CD1B: variants seen among roughly 807,000 people sequenced by gnomAD.
CD1B encodes the protein T-cell surface glycoprotein CD1b.
A neutral mutation model predicts 39.8 loss-of-function variants in CD1B; 43 were observed. The ratio of observed to expected loss-of-function variants is 1.08; its 90% CI spans 0.85 to 1.39. The LOEUF (loss-of-function observed/expected upper bound fraction) is 1.39. CD1B is among the 40% of genes most tolerant of loss of function. The pLI is 0.00. For missense variants in CD1B, 495 were observed against 403.8 expected, an observed-to-expected ratio of 1.23 and a Z score of -1.94; for synonymous variants, 192 against 152.5, an observed-to-expected ratio of 1.26 and a Z score of -1.91.
downstream of CD1B, among the ~76,000 whole-genome samples, chr1:158,323,529 C>CT (rs1281794350): frequency 6.6e-6 from 1 of 152,094 alleles, no homozygotes; most frequent in African/African-American, 2.4e-5. Flanking sequence ...TCAAAATTCC[C>CT]TGGTTGTTCT....
At chr1:158,325,098 GGTAATAAGATAGTTACT>G (rs1404244343), downstream of CD1B, among the ~76,000 whole-genome samples, 5 of 151,818 alleles carry the variant, frequency 3.3e-5, no homozygotes, top group African/African-American at 1.2e-4. Flanking sequence ...ATTCCATCAA[GGTAATAAGATAGTTACT>G]GAAGATAATG....
intron 4 of CD1B, 139 bp downstream of exon 4, chr1:158,329,231 G>A (rs1409646004): frequency 8.6e-7 from 1 of 1,163,666 alleles, no homozygotes; most frequent in East Asian, 2.5e-5. Context: ...TTTTACTCCT[G>A]TTGGGATTGG....
At chr1:158,315,453 T>C in the CD1B span, among the ~76,000 whole-genome samples, 64 of 152,182 alleles carry the variant, frequency 4.2e-4, no homozygotes, top group Non-Finnish European at 7.9e-4. Context: ...CATAAAGGTC[T>C]TCTTTTGAGA....
chr1:158,318,803 G>A, the CD1B span, among the ~76,000 whole-genome samples: 23 of 152,160 alleles, frequency 1.5e-4, no homozygotes, highest in South Asian at 6.2e-4. Flanking sequence ...AGCTTGTACC[G>A]GTTGTTCCTT....
the CD1B span, among the ~76,000 whole-genome samples, chr1:158,321,352 C>T: frequency 6.6e-6 from 1 of 152,158 alleles, no homozygotes; most frequent in Non-Finnish European, 1.5e-5. Flanking sequence ...TCTCCATTTG[C>T]ATGGAATATC....
At chr1:158,324,568 T>C (rs2101706054), downstream of CD1B, among the ~76,000 whole-genome samples, 1 of 152,308 alleles carries the variant, frequency 6.6e-6, no homozygotes, top group South Asian at 2.1e-4. Context: ...GAAGTGAGAC[T>C]GATGAGTTAA....
chr1:158,292,338 G>A, the CD1B span: 6 of 1,614,088 alleles, frequency 3.7e-6, no homozygotes, highest in Non-Finnish European at 4.2e-6. Flanking sequence ...TCTCCTGGAT[G>A]CAGGGAAGAT....
the CD1B span, among the ~76,000 whole-genome samples, chr1:158,299,279 G>A: frequency 6.6e-6 from 1 of 152,090 alleles, no homozygotes; most frequent in South Asian, 2.1e-4. Flanking sequence ...TAATGATGTG[G>A]TTTTTTTCTT....
Position 158,328,955 on chromosome 1 carries a change from A to G in CD1B, c.946T>C (p.Leu316=). The G allele has an allele frequency of 6.2e-7, 1 of 1,613,918 alleles. No individual in the cohort carries two copies. The highest frequency in any genetic ancestry group is 8.5e-7 in the Non-Finnish European group (1 of 1,179,918). The change falls in exon 5 of 6, where the codon TTG becomes CTG. Residue 316 remains leucine, a synonymous_variant. Transcript: ENST00000368168. ...LAIIVPSLLL[L]LCLALWYMRR... ...ATATACCATAATGCAAGGCATAGCAAAAGGAGCAAGGAAGGCACTATTATT... is the reference window on the plus strand; with the variant it reads ...ATATACCATAATGCAAGGCATAGCAGAAGGAGCAAGGAAGGCACTATTATT...
At chr1:158,290,223 A>G in the CD1B span, 1 of 1,081,142 alleles carries the variant, frequency 9.2e-7, no homozygotes, top group Non-Finnish European at 1.4e-6. Flanking sequence ...AATGCTTGCC[A>G]TCTGAGCATA....
downstream of CD1B, among the ~76,000 whole-genome samples, chr1:158,326,079 C>T (rs1323503049): frequency 1.3e-5 from 2 of 152,200 alleles, no homozygotes; most frequent in African/African-American, 4.8e-5. Flanking sequence ...ATGCCATTCT[C>T]CTGCCTCAGC....
chr1:158,319,028 G>T, the CD1B span, among the ~76,000 whole-genome samples: 3 of 149,410 alleles, frequency 2.0e-5, no homozygotes, highest in African/African-American at 7.7e-5. Flanking sequence ...TCTGCCAAGA[G>T]ATCCGCTGTT....
In CD1B at chr1:158,327,957, A is replaced by G. The variant is rs1437765395; in HGVS notation, c.*279T>C. 5 of 337,178 alleles carry G rather than the reference A, an allele frequency of 1.5e-5. No individual in the cohort carries two copies. The highest frequency in any genetic ancestry group is 2.7e-5 in the Non-Finnish European group (5 of 187,134). The allele number at this position is 337,178 out of a possible 1,614,324, so 20.9% of individuals were successfully genotyped here. On this transcript the variant is annotated 3_prime_UTR_variant, in exon 6 of 6. Transcript: ENST00000368168. ...AGCCAAAGGGAGTCACCATTAAGTC[A>G]TATGTATTATATTTCATTTATTTTG...
the CD1B span, among the ~76,000 whole-genome samples, chr1:158,298,723 T>C: frequency 1.3e-5 from 2 of 152,218 alleles, no homozygotes; most frequent in Non-Finnish European, 2.9e-5. Flanking sequence ...CTTGAAGAGG[T>C]CCTTCACATC....
At chr1:158,311,128 A>G in the CD1B span, among the ~76,000 whole-genome samples, 1 of 152,128 alleles carries the variant, frequency 6.6e-6, no homozygotes, top group East Asian at 1.9e-4. Flanking sequence ...TTTTAGTTTG[A>G]GACTTTTTAA....
At chr1:158,310,066 C>G in the CD1B span, among the ~76,000 whole-genome samples, 6 of 151,842 alleles carry the variant, frequency 4.0e-5, no homozygotes, top group Non-Finnish European at 7.4e-5. Context: ...TGACTTCAAA[C>G]TATAGTACAA....
the CD1B span, among the ~76,000 whole-genome samples, chr1:158,285,494 A>G: frequency 1.3e-5 from 2 of 152,224 alleles, no homozygotes; most frequent in African/African-American, 2.4e-5. Context: ...TAAGATAGAG[A>G]GGAGACCCAA....
intron 5 of CD1B, 120 bp from the exon 6 acceptor site, chr1:158,328,377 AATGG>A: frequency 2.9e-6 from 2 of 684,346 alleles, no homozygotes; most frequent in Middle Eastern, 3.1e-4. Context: ...TAGATAGACG[AATGG>A]ATGAACAAAA....
At chr1:158,306,784 AG>A in the CD1B span, among the ~76,000 whole-genome samples, 1 of 152,236 alleles carries the variant, frequency 6.6e-6, no homozygotes, top group African/African-American at 2.4e-5. Context: ...ATTCACTCAA[AG>A]CCGCTCAACT....
Sources: gnomAD v4.1 joint callset for allele counts (sites outside exome capture counted in the v4.1 genomes callset) on GRCh38, gnomAD v4.1.1 for gene constraint, MANE v1.5 for transcripts, NCBI Gene and HGNC (gene_info 2026-07-23, HGNC 2026-07-21) for gene names.